Variants in MLN observed in about 807,000 individuals in gnomAD.
MLN encodes promotilin.
In MLN, 14 loss-of-function variants were observed where a neutral mutation model predicts 13.3. The observed-to-expected ratio is 1.05, with a 90% CI of 0.69 to 1.64. The LOEUF is 1.64. Among genes scored for constraint, MLN ranks in the 40% most tolerant of loss-of-function variants. The pLI, the probability that MLN is intolerant of heterozygous loss-of-function variation, is 0.00. For missense variants in MLN, 122 were observed against 142.9 expected (o/e 0.85, Z 0.75); for synonymous variants, 59 against 54.7 (o/e 1.08, Z -0.34).
intron 1 of MLN, among the ~76,000 whole-genome samples, chr6:33,802,801 G>A (rs1760877193): frequency 6.6e-6 from 1 of 152,226 alleles, no homozygotes; most frequent in Admixed American, 6.5e-5. Context: ...AACGGAGAAT[G>A]GGTTGAGGTG....
intron 3 of MLN, among the ~76,000 whole-genome samples, chr6:33,798,164 A>G (rs922301097): frequency 6.6e-6 from 1 of 151,736 alleles, no homozygotes; most frequent in Admixed American, 6.6e-5. Context: ...GTTTCCCTCC[A>G]TAGCACATGT....
rs1767870013 is a variant in MLN, at chr6:33,794,812, C to T, written c.*13G>A. On this transcript the variant is annotated 3_prime_UTR_variant, in exon 5 of 5. Transcript: ENST00000430124. ...GCCTCCCAAATCTGTCCACCTTCTC[C>T]CCAGCGTGGCCATCACTTGGCTGCT... The T allele has an allele frequency of 6.2e-7, 1 of 1,613,410 alleles. No homozygotes were observed. Among genetic ancestry groups the T allele is most frequent in the Non-Finnish European group, 8.5e-7 (1 of 1,179,732 alleles).
Position 33,801,185 on chromosome 6 carries a change from G to C in MLN, c.-7-15C>G, listed in dbSNP as rs1768040586. ...CCATCTTGGAGCTGGACAATGACAA[G>C]GAGCTCTTGTCACTAAGTTTGGGGT... On this transcript the variant is annotated splice_polypyrimidine_tract_variant and intron_variant, in intron 1 of 4. Coordinates refer to ENST00000430124, the MANE Select transcript of MLN (RefSeq NM_002418.3). The C allele has an allele frequency of 6.3e-7, 1 of 1,595,404 alleles. No individual in the cohort carries two copies.
intron 2 of MLN, 124 bp downstream of exon 2, chr6:33,800,923 C>G: frequency 1.3e-6 from 1 of 742,008 alleles, no homozygotes; most frequent in Admixed American, 2.0e-5. Context: ...TGAAGGTGGC[C>G]AGAGAGGTGG....
intron 2 of MLN, among the ~76,000 whole-genome samples, chr6:33,800,426 G>C (rs1466812766): frequency 6.6e-6 from 1 of 152,218 alleles, no homozygotes; most frequent in Non-Finnish European, 1.5e-5. Flanking sequence ...CCCTAAAGAG[G>C]AGGCTTTGGC....
intron 3 of MLN, among the ~76,000 whole-genome samples, chr6:33,795,959 CTT>C (rs5875463): frequency 1.7e-3 from 212 of 121,716 alleles, no homozygotes; most frequent in African/African-American, 4.0e-3. Flanking sequence ...TTATTCTAAG[CTT>C]TTTTTTTTTT....
At chr6:33,798,763 C>T (rs1215957403) in intron 3 of MLN, among the ~76,000 whole-genome samples, 1 of 152,228 alleles carries the variant, frequency 6.6e-6, no homozygotes, top group Non-Finnish European at 1.5e-5. Flanking sequence ...CTTGCTCCAG[C>T]TGTTTGCACA....
At chr6:33,795,438 T>C in intron 4 of MLN, 65 bp downstream of exon 4, 2 of 1,318,738 alleles carry the variant, frequency 1.5e-6, no homozygotes, top group Non-Finnish European at 2.1e-6. Context: ...ACCCTGCCTC[T>C]GGAGTATTAA....
intron 1 of MLN, among the ~76,000 whole-genome samples, chr6:33,802,404 C>T (rs1285036950): frequency 1.3e-5 from 2 of 152,108 alleles, no homozygotes; most frequent in Admixed American, 6.5e-5. Flanking sequence ...TGGATTCTGT[C>T]GGCAGGAGAG....
Position 33,803,074 on chromosome 6 carries a change from G to A in MLN, c.-8+879C>T, listed in dbSNP as rs576016194. 3.3e-5 allele frequency among the ~76,000 whole-genome samples: 5 copies of A among 152,192 alleles called. No individual in the cohort carries two copies. Among genetic ancestry groups the A allele is most frequent in the South Asian group, 2.1e-4 (1 of 4,820 alleles). On this transcript the variant is annotated intron_variant, in intron 1 of 4. Transcript: ENST00000430124. This position sits in a 1 kb window ranked among gnomAD's most constrained non-coding sequence, Gnocchi z 4.5. ...AACTGGCAGTCGGCATGTCACCTAC[G>A]TTCATGTGTGTTCTGGTGAGCTGGA...
At chr6:33,796,626 G>A (rs1767930127) in intron 3 of MLN, among the ~76,000 whole-genome samples, 1 of 152,222 alleles carries the variant, frequency 6.6e-6, no homozygotes, top group Admixed American at 6.5e-5. Context: ...CTGGGTTCCA[G>A]GAATGGGCCT....
At chr6:33,794,866 C>T (rs774771459) in intron 4 of MLN, 31 bp from the exon 5 acceptor site, 4 of 1,613,176 alleles carry the variant, frequency 2.5e-6, no homozygotes, top group South Asian at 2.2e-5. Flanking sequence ...GCGCTCAGTA[C>T]CATCATCAGG....
chr6:33,799,053 G>C lies in MLN; in HGVS notation c.234+52C>G. On this transcript the variant is annotated intron_variant, in intron 3 of 4. Transcript: ENST00000430124. This position sits in a 1 kb window ranked among gnomAD's most constrained non-coding sequence, Gnocchi z 4.6. ...GGCTCTGCCTCCAGGCCAGGCAGGG[G>C]AATGCATGCCCTGCTCTGAGTTTCT... The C allele has an allele frequency of 7.8e-7, 1 of 1,286,904 alleles. No individual in the cohort carries two copies. The highest frequency in any genetic ancestry group is 1.1e-6 in the Non-Finnish European group (1 of 893,818). The allele number at this position is 1,286,904 out of a possible 1,614,324, so 79.7% of individuals were successfully genotyped here. A position where few individuals can be genotyped will look rare whatever the true frequency, so the allele number is the denominator to read the frequency against.
intron 1 of MLN, among the ~76,000 whole-genome samples, chr6:33,801,742 A>G (rs55864241): frequency 1.3e-5 from 2 of 152,330 alleles, no homozygotes; most frequent in Non-Finnish European, 2.9e-5. Flanking sequence ...TCCCTGAGCC[A>G]AGAGGGCACC....
chr6:33,795,684 A>G (rs1383697884), intron 3 of MLN, 79 bp from the exon 4 acceptor site: 9 of 1,284,836 alleles, frequency 7.0e-6, no homozygotes, highest in Non-Finnish European at 9.9e-6. Context: ...AGGTGGCAGG[A>G]GGGACCCTTG....
chr6:33,801,035 G>A lies in MLN; in HGVS notation c.117+12C>T, dbSNP rs1409699971. 4 of 1,597,418 alleles carry A rather than the reference G, an allele frequency of 2.5e-6. No individual in the cohort carries two copies. Among genetic ancestry groups the A allele is most frequent in the Admixed American group, 1.7e-5 (1 of 59,984 alleles). Reference sequence around the variant, plus strand: ...AGCCTTGCTAGCAGGGCAGGCAGCAGGGGGTTCTTACCTGCATCCTCTGGA... The same window carrying A: ...AGCCTTGCTAGCAGGGCAGGCAGCAAGGGGTTCTTACCTGCATCCTCTGGA... On this transcript the variant is annotated intron_variant, in intron 2 of 4. Coordinates refer to ENST00000430124, the MANE Select transcript of MLN (RefSeq NM_002418.3).
intron 2 of MLN, 39 bp downstream of exon 2, chr6:33,801,008 T>G: frequency 6.7e-7 from 1 of 1,484,570 alleles, no homozygotes; most frequent in Non-Finnish European, 9.4e-7. Context: ...CATAGTGACC[T>G]CAGCCTTGCT....
rs906851484 is a variant in MLN, at chr6:33,803,273, C to T, written c.-8+680G>A. 4.0e-5 allele frequency among the ~76,000 whole-genome samples: 6 copies of T among 151,408 alleles called. No homozygotes were observed. The highest frequency in any genetic ancestry group is 2.1e-4 in the South Asian group (1 of 4,784). On this transcript the variant is annotated intron_variant, in intron 1 of 4. Transcript: ENST00000430124. This position sits in a 1 kb window ranked among gnomAD's most constrained non-coding sequence, Gnocchi z 4.5. ...CCTTGCCTCCCCATGTGCTCTCCCT[C>T]GGGGTCAACTTTTTCTTTTCCTTTT...
intron 2 of MLN, 98 bp downstream of exon 2, chr6:33,800,949 A>T (rs34884883): frequency 0.15 from 133,019 of 916,678 alleles, 10,972 homozygotes; most frequent in Middle Eastern, 0.18. Context: ...ACTGGGGGTT[A>T]TCTTGGGTCC....
Sources: allele counts gnomAD v4.1 joint callset (sites outside exome capture counted in the v4.1 genomes callset), GRCh38; gene constraint gnomAD v4.1.1; non-coding constraint Gnocchi (gnomAD v3.1); transcripts MANE v1.5; gene names NCBI Gene and HGNC (gene_info 2026-07-23, HGNC 2026-07-21).